The following ZNF468 variants were observed in gnomAD, a reference collection of about 807,000 sequenced individuals.
ZNF468 encodes the protein zinc finger protein ZNF468.
ZNF468 carries 8 observed loss-of-function variants against 7.2 expected under a neutral mutation model. The ratio of observed to expected loss-of-function variants is 1.11; its 90% CI spans 0.65 to 2.01. The LOEUF is 2.01. Among genes scored for constraint, ZNF468 ranks in the 30% most tolerant of loss-of-function variants. ZNF468 has a pLI of 0.00. For missense variants in ZNF468, 608 were observed against 626.5 expected (o/e 0.97, Z 0.31); for synonymous variants, 218 against 214.4 (o/e 1.02, Z -0.15).
chr19:52,840,251 T>C lies in ZNF468; in HGVS notation c.*474A>G, dbSNP rs114019891. ...GTCTATGATGACTTGCAAGGTGTGA[T>C]TGTTGATTAAAAACCATGTCACATT... On this transcript the variant is annotated 3_prime_UTR_variant, in exon 4 of 4. Transcript: ENST00000595646. 6.0e-5 allele frequency: 24 copies of C among 401,380 alleles called. No individual in the cohort carries two copies. Among genetic ancestry groups the C allele is most frequent in the South Asian group, 1.7e-4 (8 of 48,126 alleles). 24.9% of individuals were successfully genotyped at this position (401,380 alleles called of 1,614,324 possible).
chr19:52,856,702 C>G lies in ZNF468; in HGVS notation c.-74+870G>C, dbSNP rs1312331950. 3.1e-5 allele frequency among the ~76,000 whole-genome samples: 4 copies of G among 129,194 alleles called. No individual in the cohort carries two copies. In the South Asian group the frequency reaches 1.1e-3, roughly 37 times the overall value. The allele number at this position is 129,194 out of a possible 152,430, so 84.8% of individuals were successfully genotyped here. On this transcript the variant is annotated intron_variant, in intron 1 of 3. Transcript: ENST00000595646. ...CTGCCCCTCTCCCTACCTTGCTGTCCTTCATCTCTCTGTACATCTAGCTTT... is the reference window on the plus strand; with the variant it reads ...CTGCCCCTCTCCCTACCTTGCTGTCGTTCATCTCTCTGTACATCTAGCTTT...
chr19:52,841,567 A>G lies in ZNF468; in HGVS notation c.727T>C (p.Cys243Arg), dbSNP rs771790702. 61 of 1,613,972 alleles carry G rather than the reference A, an allele frequency of 3.8e-5. No individual in the cohort carries two copies. Among genetic ancestry groups the G allele is most frequent in the Non-Finnish European group, 5.0e-5 (59 of 1,180,026 alleles). Residue 243 changes from cysteine (C) to arginine (R), a missense_variant, in exon 4 of 4, where the codon TGT (cysteine) becomes CGT (arginine). By Grantham distance (180) the Cys-to-Arg change is radical (BLOSUM62 -3). Transcript: ENST00000595646. The part of the protein sequence containing the change: ...HQIIHLEEKQ[C>R]KCDVCGKVFN... ...ACCTTGCCACATACATCACATTTAC[A>G]TTGTTTCTCTTCTAAGTGAATTATC...
intron 3 of ZNF468, among the ~76,000 whole-genome samples, chr19:52,847,331 C>T (rs1450867265): frequency 2.0e-5 from 3 of 151,644 alleles, no homozygotes; most frequent in African/African-American, 7.3e-5. Context: ...TAACCAGGGA[C>T]ACAATGCACT....
At position 52,855,906 on chromosome 19, in the gene ZNF468, C is replaced by G. The variant is rs568372182; in HGVS notation, c.-73-1561G>C. On this transcript the variant is annotated intron_variant, in intron 1 of 3. Transcript: ENST00000595646. Reference sequence around the variant, plus strand: ...GGGCTCAGAGCTGGAAACATTTTCACGAAGTTACCCTGAGAAGGTCTGAGA... The same window carrying G: ...GGGCTCAGAGCTGGAAACATTTTCAGGAAGTTACCCTGAGAAGGTCTGAGA... Among the ~76,000 whole-genome samples, 5 of 152,256 alleles carry G rather than the reference C, an allele frequency of 3.3e-5. No homozygotes were observed. The South Asian group carries it at 8.3e-4, about 25-fold the overall frequency.
Position 52,854,294 on chromosome 19 carries a change from C to T in ZNF468, c.-22G>A. On this transcript the variant is annotated 5_prime_UTR_variant, in exon 2 of 4. Coordinates refer to ENST00000595646, the MANE Select transcript of ZNF468 (RefSeq NM_001008801.2). ...CCATCCCTGACTCCTTTGCTTTCCTCTTCCTCTTCTGGGTTTCTTTCTCAC... is the reference window on the plus strand; with the variant it reads ...CCATCCCTGACTCCTTTGCTTTCCTTTTCCTCTTCTGGGTTTCTTTCTCAC... The T allele has an allele frequency of 6.2e-7, 1 of 1,613,700 alleles. No individual in the cohort carries two copies. The highest frequency in any genetic ancestry group is 8.5e-7 in the Non-Finnish European group (1 of 1,179,752).
intron 1 of ZNF468, among the ~76,000 whole-genome samples, chr19:52,856,900 T>C (rs537168808): frequency 2.0e-5 from 3 of 152,248 alleles, no homozygotes; most frequent in Admixed American, 2.0e-4. Context: ...CCTCTCTCTG[T>C]CTCCTGATCC....
At chr19:52,848,092 C>A (rs1226412140) in intron 3 of ZNF468, among the ~76,000 whole-genome samples, 1 of 152,192 alleles carries the variant, frequency 6.6e-6, no homozygotes, top group African/African-American at 2.4e-5. Context: ...CCTTTTCCCA[C>A]AGAATTCTCC....
intron 2 of ZNF468, 173 bp from the exon 3 acceptor site, chr19:52,849,386 T>G: frequency 7.8e-7 from 1 of 1,286,886 alleles, no homozygotes; most frequent in Non-Finnish European, 1.0e-6. Context: ...TTTATTACAC[T>G]TTTTGAGTAT....
chr19:52,856,949 C>T (rs1232393440), intron 1 of ZNF468, among the ~76,000 whole-genome samples: 1 of 152,148 alleles, frequency 6.6e-6, no homozygotes, highest in Non-Finnish European at 1.5e-5. Context: ...TGGAGTAAGA[C>T]GCCTGCATCT....
chr19:52,840,400 C>A lies in ZNF468; in HGVS notation c.*325G>T, dbSNP rs551870123. The A allele has an allele frequency of 2.9e-4, 160 of 549,064 alleles. 3 individuals are homozygous for A. The highest frequency in any genetic ancestry group is 1.6e-3 in the South Asian group (84 of 52,982). The allele number at this position is 549,064 out of a possible 1,614,324, so 34.0% of individuals were successfully genotyped here. A position where few individuals can be genotyped will look rare whatever the true frequency, so the allele number is the denominator to read the frequency against. On this transcript the variant is annotated 3_prime_UTR_variant, in exon 4 of 4. Coordinates refer to ENST00000595646, the MANE Select transcript of ZNF468 (RefSeq NM_001008801.2). ...CTCATTACACTTATAATGAGTTTCT[C>A]TCCAGTGTGAATTCTAGTATGTTTT...
intron 3 of ZNF468, among the ~76,000 whole-genome samples, chr19:52,844,657 A>G (rs548525670): frequency 6.6e-6 from 1 of 151,774 alleles, no homozygotes; most frequent in Non-Finnish European, 1.5e-5. Flanking sequence ...TCCTGCTTCA[A>G]CCTCCCAAGT....
rs1250901496 is a variant in ZNF468, at chr19:52,840,610, T to G, written c.*115A>C. 1.3e-6 allele frequency: 2 copies of G among 1,548,450 alleles called. No homozygotes were observed. The highest frequency in any genetic ancestry group is 2.7e-5 in the African/African-American group (2 of 73,486). On this transcript the variant is annotated 3_prime_UTR_variant, in exon 4 of 4. Coordinates refer to ENST00000595646, the MANE Select transcript of ZNF468 (RefSeq NM_001008801.2). ...ATGGTGATGTGCAAAGGTTGCTTTTTGATTAAAAACCTTGCCACATTCATT... is the reference window on the plus strand; with the variant it reads ...ATGGTGATGTGCAAAGGTTGCTTTTGGATTAAAAACCTTGCCACATTCATT...
In ZNF468 at chr19:52,840,824, A is replaced by G. The variant is rs1385200779; in HGVS notation, c.1470T>C (p.Thr490=). 2 of 1,608,572 alleles carry G rather than the reference A, an allele frequency of 1.2e-6. No individual in the cohort carries two copies. The highest frequency in any genetic ancestry group is 1.7e-6 in the Non-Finnish European group (2 of 1,177,600). Residue 490 remains threonine, a synonymous_variant, in exon 4 of 4, where the codon ACT becomes ACC. Coordinates refer to ENST00000595646, the MANE Select transcript of ZNF468 (RefSeq NM_001008801.2). ...SSLIIHRRLH[T]GEKPYKCNEC... ...CATTACACTTGTAAGGTTTCTCTCCAGTATGAAGCCTACGATGGATTATAA... is the reference window on the plus strand; with the variant it reads ...CATTACACTTGTAAGGTTTCTCTCCGGTATGAAGCCTACGATGGATTATAA...
chr19:52,847,890 G>T (rs2063353736), intron 3 of ZNF468, among the ~76,000 whole-genome samples: 1 of 152,146 alleles, frequency 6.6e-6, no homozygotes, highest in African/African-American at 2.4e-5. Flanking sequence ...TCAAGAGACT[G>T]GCACCGATGC....
In ZNF468 at chr19:52,850,807, G is replaced by A. The variant is rs796753391; in HGVS notation, c.16-1594C>T. 5.7e-3 allele frequency among the ~76,000 whole-genome samples: 866 copies of A among 151,942 alleles called. 8 individuals carry two copies. Among genetic ancestry groups the A allele is most frequent in the African/African-American group, 0.02 (829 of 41,384 alleles). ...CCAGCTACTCGGGAGGCTGAGGCAG[G>A]AGAATGGCGTGAACCCGGGAGGTGG... On this transcript the variant is annotated intron_variant, in intron 2 of 3. Transcript: ENST00000595646.
chr19:52,856,686 TCC>T (rs1221746964), intron 1 of ZNF468, among the ~76,000 whole-genome samples: 1 of 142,568 alleles, frequency 7.0e-6, no homozygotes, highest in Non-Finnish European at 1.6e-5. Flanking sequence ...TCTGCCCCTC[TCC>T]CTACCTTGCT....
At chr19:52,854,923 G>A (rs1158275190) in intron 1 of ZNF468, among the ~76,000 whole-genome samples, 1 of 152,136 alleles carries the variant, frequency 6.6e-6, no homozygotes, top group South Asian at 2.1e-4. Context: ...TCGGGAGGCT[G>A]AGGTAGGAGA....
intron 2 of ZNF468, among the ~76,000 whole-genome samples, chr19:52,851,786 A>T (rs1371241044): frequency 6.6e-6 from 1 of 151,984 alleles, no homozygotes; most frequent in Non-Finnish European, 1.5e-5. Flanking sequence ...AAAGTACAAA[A>T]ATCTGTTTTG....
At position 52,842,161 on chromosome 19, in the gene ZNF468, T is replaced by G; in HGVS notation, c.143-10A>C. The G allele has an allele frequency of 6.4e-7, 1 of 1,571,676 alleles. No homozygotes were observed. Among genetic ancestry groups the G allele is most frequent in the Non-Finnish European group, 8.6e-7 (1 of 1,158,312 alleles). On this transcript the variant is annotated splice_polypyrimidine_tract_variant and intron_variant, in intron 3 of 3. Coordinates refer to ENST00000595646, the MANE Select transcript of ZNF468 (RefSeq NM_001008801.2). ...CATTTGGAAGAGATATCTACAAAATTTAAACACCAATAGGTTTCCAATTAA... is the reference window on the plus strand; with the variant it reads ...CATTTGGAAGAGATATCTACAAAATGTAAACACCAATAGGTTTCCAATTAA...
Sources: gnomAD v4.1 joint callset for allele counts (sites outside exome capture counted in the v4.1 genomes callset) on GRCh38, gnomAD v4.1.1 for gene constraint, MANE v1.5 for transcripts, NCBI Gene and HGNC (gene_info 2026-07-23, HGNC 2026-07-21) for gene names.